The following NR3C2 variants were observed in gnomAD, a reference collection of about 807,000 sequenced individuals.
NR3C2 encodes nuclear receptor subfamily 3 group C member 2.
Under a neutral mutation model 86.4 loss-of-function variants are expected in NR3C2, and 15 were observed. The ratio of observed to expected loss-of-function variants is 0.17; its 90% confidence interval spans 0.12 to 0.27. The LOEUF is 0.27. NR3C2 is among the 10% of genes least tolerant of loss of function. The pLI is 1.00. For synonymous variants in NR3C2, 458 were observed against 450.5 expected, an observed-to-expected ratio of 1.02 and a Z score of -0.21; for missense variants, 960 against 1,195.6, an observed-to-expected ratio of 0.80 and a Z score of 2.91.
At chr4:148,097,435 G>C (rs1370651350) in intron 8 of NR3C2, among the ~76,000 whole-genome samples, 1 of 152,206 alleles carries the variant, frequency 6.6e-6, no homozygotes, top group Non-Finnish European at 1.5e-5. Context: ...AAGCTGCTGA[G>C]CTGCCCCTGT....
intron 3 of NR3C2, among the ~76,000 whole-genome samples, chr4:148,226,558 C>T (rs1579039085): frequency 6.6e-6 from 1 of 152,010 alleles, no homozygotes; most frequent in Non-Finnish European, 1.5e-5. Context: ...TATTCATGTT[C>T]CTGGATAAAT....
intron 2 of NR3C2, among the ~76,000 whole-genome samples, chr4:148,296,202 A>G (rs2149914903): frequency 6.6e-6 from 1 of 152,204 alleles, no homozygotes; most frequent in African/African-American, 2.4e-5. Context: ...ATTTTAAAAG[A>G]TTATTTTAAG....
At chr4:148,339,256 A>T (rs1255469901) in intron 2 of NR3C2, among the ~76,000 whole-genome samples, 2 of 152,298 alleles carry the variant, frequency 1.3e-5, no homozygotes, top group Admixed American at 6.5e-5. Context: ...GGATGAAAGG[A>T]CCACTGTTTT....
chr4:148,086,442 A>C (rs1730814107), intron 8 of NR3C2, among the ~76,000 whole-genome samples: 1 of 152,230 alleles, frequency 6.6e-6, no homozygotes, highest in African/African-American at 2.4e-5. Context: ...TTCATGCTAA[A>C]AACTCCCAAT....
intron 2 of NR3C2, among the ~76,000 whole-genome samples, chr4:148,271,614 A>T (rs61760309): frequency 0.024 from 3,692 of 152,142 alleles, 66 homozygotes; most frequent in Non-Finnish European, 0.038. Flanking sequence ...AAATTTTTTT[A>T]AAAAAAGCAA....
At chr4:148,124,403 T>G (rs545921982) in intron 6 of NR3C2, among the ~76,000 whole-genome samples, 1 of 152,376 alleles carries the variant, frequency 6.6e-6, no homozygotes, top group Admixed American at 6.5e-5. Flanking sequence ...GCAGATAGTA[T>G]TCAACTATAC....
intron 2 of NR3C2, among the ~76,000 whole-genome samples, chr4:148,360,695 AT>A (rs1745793171): frequency 6.6e-6 from 1 of 152,144 alleles, no homozygotes; most frequent in African/African-American, 2.4e-5. Flanking sequence ...TCTGACTGAA[AT>A]TTTTCCAATT....
At chr4:148,201,057 G>A (rs1053032617) in intron 3 of NR3C2, 7 of 152,178 alleles carry the variant, frequency 4.6e-5, no homozygotes, top group African/African-American at 1.7e-4. Context: ...GGTGTAGGGG[G>A]CACTCCATAG....
At chr4:148,182,829 T>A (rs762596819) in intron 4 of NR3C2, among the ~76,000 whole-genome samples, 1 of 152,242 alleles carries the variant, frequency 6.6e-6, no homozygotes, top group African/African-American at 2.4e-5. Flanking sequence ...TTATTACTAT[T>A]ATTATTATAT....
At position 148,079,157 on chromosome 4, in the gene NR3C2, A is replaced by G. The variant is rs1210699905; in HGVS notation, c.*2187T>C. The G allele has an allele frequency of 1.3e-5, 2 of 152,356 alleles. No individual in the cohort carries two copies. The highest frequency in any genetic ancestry group is 2.1e-4 in the South Asian group (1 of 4,836). 9.4% of individuals were successfully genotyped at this position (152,356 alleles called of 1,614,324 possible). A position where few individuals can be genotyped will look rare whatever the true frequency, so the allele number is the denominator to read the frequency against. ...TTATAAAAACTAAGTCTGAACTAAA[A>G]GCTGCTTTTGTAAGTAAGCCATTTG... On this transcript the variant is annotated 3_prime_UTR_variant, in exon 9 of 9. Coordinates refer to ENST00000358102, the MANE Select transcript of NR3C2 (RefSeq NM_000901.5).
chr4:148,101,185 T>TA lies in NR3C2; in HGVS notation c.2799+12918dup, dbSNP rs1156916586. Among the ~76,000 whole-genome samples, 3 of 152,250 alleles carry TA rather than the reference T, an allele frequency of 2.0e-5. No homozygotes were observed. In the East Asian group the frequency reaches 5.8e-4, roughly 29 times the overall value. On this transcript the variant is annotated intron_variant, in intron 8 of 8. Coordinates refer to ENST00000358102, the MANE Select transcript of NR3C2 (RefSeq NM_000901.5). Reference sequence around the variant, plus strand: ...TATTTTACAATTAAAAATAAAATAATAAAAAAGCATAAACTCCTATGTGGA... The same window carrying TA: ...TATTTTACAATTAAAAATAAAATAATAAAAAAAGCATAAACTCCTATGTGGA...
intron 4 of NR3C2, among the ~76,000 whole-genome samples, chr4:148,165,076 C>T (rs182719364): frequency 2.6e-5 from 4 of 152,264 alleles, no homozygotes; most frequent in African/African-American, 7.2e-5. Flanking sequence ...AACAGTTACA[C>T]TAAGTAATAG....
intron 3 of NR3C2, among the ~76,000 whole-genome samples, chr4:148,240,498 A>G (rs189225197): frequency 3.9e-4 from 59 of 152,198 alleles, no homozygotes; most frequent in African/African-American, 1.3e-3. Flanking sequence ...TAGCAAAAGC[A>G]GCCAGCCTAG....
At chr4:148,390,233 T>A (rs941903033) in intron 2 of NR3C2, among the ~76,000 whole-genome samples, 30 of 149,728 alleles carry the variant, frequency 2.0e-4, no homozygotes, top group Non-Finnish European at 4.4e-5. Context: ...CCTTCAAGTA[T>A]ACATTCCTTA....
At chr4:148,188,357 G>A (rs1736035731) in intron 4 of NR3C2, among the ~76,000 whole-genome samples, 3 of 152,308 alleles carry the variant, frequency 2.0e-5, no homozygotes, top group East Asian at 3.9e-4. Context: ...AGCATGGGAT[G>A]TGTTTCCATT....
At chr4:148,343,797 G>A (rs1413233472) in intron 2 of NR3C2, among the ~76,000 whole-genome samples, 1 of 152,114 alleles carries the variant, frequency 6.6e-6, no homozygotes, top group South Asian at 2.1e-4. Flanking sequence ...AAAGGAGAAA[G>A]AAGGTGTAAT....
intron 2 of NR3C2, among the ~76,000 whole-genome samples, chr4:148,264,340 C>T (rs61760303): frequency 6.6e-6 from 1 of 152,180 alleles, no homozygotes; most frequent in Non-Finnish European, 1.5e-5. Flanking sequence ...TTTTAAGAAA[C>T]ACATTTAGAT....
chr4:148,392,298 T>A (rs570085892), intron 2 of NR3C2, among the ~76,000 whole-genome samples: 4 of 152,240 alleles, frequency 2.6e-5, no homozygotes, highest in Non-Finnish European at 4.4e-5. Context: ...GGGTGTTCTA[T>A]GAATGTCCTA....
intron 4 of NR3C2, among the ~76,000 whole-genome samples, chr4:148,187,345 T>G (rs1735976025): frequency 6.6e-6 from 1 of 152,012 alleles, no homozygotes; most frequent in South Asian, 2.1e-4. Flanking sequence ...GTTCCCTGTT[T>G]ACCGCATCTA....
Sources: allele counts gnomAD v4.1 joint callset (sites outside exome capture counted in the v4.1 genomes callset), GRCh38; gene constraint gnomAD v4.1.1; transcripts MANE v1.5; gene names NCBI Gene and HGNC (gene_info 2026-07-23, HGNC 2026-07-21).